Variants in CCNY observed in about 807,000 individuals in gnomAD.
CCNY encodes cyclin-Y.
CCNY carries 19 observed loss-of-function variants against 42.8 expected under a neutral mutation model. That is an observed-to-expected ratio of 0.44 (90% CI 0.31 to 0.65). The LOEUF is 0.65. Ranked by LOEUF, CCNY falls within the 30% of genes least tolerant of loss-of-function variation. CCNY has a pLI of 0.07. For synonymous variants in CCNY, 165 were observed against 162.7 expected, an observed-to-expected ratio of 1.01 and a Z score of -0.11; for missense variants, 370 against 437.3, an observed-to-expected ratio of 0.85 and a Z score of 1.37.
chr10:35,476,067 T>C (rs955839633), intron 1 of CCNY, among the ~76,000 whole-genome samples: 1 of 152,212 alleles, frequency 6.6e-6, no homozygotes, highest in Non-Finnish European at 1.5e-5. Context: ...AAGGGATCAA[T>C]TCAACAAGAA....
At chr10:35,295,437 G>C (rs545627299) in intron 3 of CCNY, among the ~76,000 whole-genome samples, 1 of 151,956 alleles carries the variant, frequency 6.6e-6, no homozygotes, top group East Asian at 2.0e-4. Context: ...TCTCCATGTT[G>C]GTCAGGCTGG....
intron 1 of CCNY, among the ~76,000 whole-genome samples, chr10:35,349,594 C>A (rs1485249656): frequency 6.6e-6 from 1 of 152,122 alleles, no homozygotes; most frequent in African/African-American, 2.4e-5. Context: ...TGTGTATTTG[C>A]TAAATCTCAA....
At chr10:35,371,922 ATT>A (rs1836945879) in intron 1 of CCNY, among the ~76,000 whole-genome samples, 1 of 152,244 alleles carries the variant, frequency 6.6e-6, no homozygotes, top group Admixed American at 6.5e-5. Context: ...TGCATGAGTG[ATT>A]GATGGCAGTT....
chr10:35,474,876 A>G (rs1489890988), intron 1 of CCNY, among the ~76,000 whole-genome samples: 1 of 152,228 alleles, frequency 6.6e-6, no homozygotes, highest in African/African-American at 2.4e-5. Context: ...TCAAACCAAA[A>G]GCAAAGAAGT....
intron 2 of CCNY, among the ~76,000 whole-genome samples, chr10:35,249,134 G>T (rs1405457473): frequency 6.6e-6 from 1 of 152,050 alleles, no homozygotes; most frequent in Non-Finnish European, 1.5e-5. Context: ...AGGGAGGCAG[G>T]TATTAACATG....
At chr10:35,479,849 A>G (rs1228511175) in intron 1 of CCNY, among the ~76,000 whole-genome samples, 1 of 151,976 alleles carries the variant, frequency 6.6e-6, no homozygotes, top group Non-Finnish European at 1.5e-5. Context: ...AACATTGGGG[A>G]TATCATTTTT....
intron 1 of CCNY, among the ~76,000 whole-genome samples, chr10:35,477,081 AACC>A (rs1341019307): frequency 1.3e-5 from 2 of 152,194 alleles, no homozygotes; most frequent in Non-Finnish European, 2.9e-5. Context: ...CCCAAGACTA[AACC>A]AGGAAGAAGT....
At chr10:35,504,726 A>T (rs1052850631) in intron 3 of CCNY, among the ~76,000 whole-genome samples, 1 of 151,984 alleles carries the variant, frequency 6.6e-6, no homozygotes, top group Admixed American at 6.6e-5. Flanking sequence ...AACCTCCCCA[A>T]CCCGGGTTCA....
chr10:35,528,115 G>A (rs1840689586), intron 5 of CCNY, among the ~76,000 whole-genome samples: 1 of 152,162 alleles, frequency 6.6e-6, no homozygotes, highest in African/African-American at 2.4e-5. Flanking sequence ...CTCAACTGCT[G>A]AGGAATGGGG....
At chr10:35,512,840 A>G (rs1840350512) in intron 3 of CCNY, among the ~76,000 whole-genome samples, 1 of 152,042 alleles carries the variant, frequency 6.6e-6, no homozygotes, top group African/African-American at 2.4e-5. Flanking sequence ...GGGTGGGAGC[A>G]GTTGAAATAG....
intron 3 of CCNY, among the ~76,000 whole-genome samples, chr10:35,275,023 G>T (rs976826499): frequency 7.5e-6 from 1 of 133,248 alleles, no homozygotes; most frequent in Non-Finnish European, 1.6e-5. Flanking sequence ...GTGGCATTGC[G>T]TTCTAGGTAT....
At chr10:35,401,125 C>T (rs1837634790) in intron 1 of CCNY, among the ~76,000 whole-genome samples, 1 of 152,202 alleles carries the variant, frequency 6.6e-6, no homozygotes, top group African/African-American at 2.4e-5. Context: ...ATCAGCAGTT[C>T]CTATTTTTTG....
At chr10:35,557,544 G>A (rs1841384211) in intron 8 of CCNY, among the ~76,000 whole-genome samples, 1 of 152,114 alleles carries the variant, frequency 6.6e-6, no homozygotes, top group Non-Finnish European at 1.5e-5. Flanking sequence ...ATCACTTGAG[G>A]TCAGGAGTTC....
At chr10:35,436,783 C>A (rs921079553) in intron 1 of CCNY, among the ~76,000 whole-genome samples, 5 of 152,080 alleles carry the variant, frequency 3.3e-5, no homozygotes, top group African/African-American at 1.2e-4. Context: ...TTTCCTGTTT[C>A]TTTTTTTCCT....
intron 1 of CCNY, among the ~76,000 whole-genome samples, chr10:35,340,545 C>T (rs1157932827): frequency 6.7e-6 from 1 of 148,784 alleles, no homozygotes; most frequent in East Asian, 2.0e-4. Context: ...TGCTCTGTCA[C>T]CCAGGCTGGA....
intron 1 of CCNY, among the ~76,000 whole-genome samples, chr10:35,472,158 TG>T (rs1219298352): frequency 6.6e-6 from 1 of 152,198 alleles, no homozygotes; most frequent in Admixed American, 6.5e-5. Flanking sequence ...TCCTGCCCAT[TG>T]CGCTAGTACC....
intron 1 of CCNY, among the ~76,000 whole-genome samples, chr10:35,436,251 G>C (rs1838530144): frequency 6.6e-6 from 1 of 152,224 alleles, no homozygotes; most frequent in Non-Finnish European, 1.5e-5. Context: ...GGTGTGTGCG[G>C]TGGTGGGATG....
In CCNY at chr10:35,398,397, C is replaced by T. The variant is rs150663795; in HGVS notation, c.154+61190C>T. Among the ~76,000 whole-genome samples the T allele has an allele frequency of 7.2e-5, 11 of 152,272 alleles. No homozygotes were observed. In the East Asian group the frequency reaches 9.7e-4, roughly 13 times the overall value. ...GACCAACACGTGTCCTTTTGCATGG[C>T]GGAGATTCGGAAATGCAGCCTGTGC... is the stretch of plus-strand genomic sequence containing the variant. On this transcript the variant is annotated intron_variant, in intron 1 of 9. Transcript: ENST00000374704.
chr10:35,337,889 A>G (rs575453581), intron 1 of CCNY, among the ~76,000 whole-genome samples: 1 of 152,182 alleles, frequency 6.6e-6, no homozygotes, highest in Non-Finnish European at 1.5e-5. Context: ...TGATTTATTC[A>G]GGTGACTTTT....
Sources: allele counts gnomAD v4.1 joint callset (sites outside exome capture counted in the v4.1 genomes callset), GRCh38; gene constraint gnomAD v4.1.1; transcripts MANE v1.5; gene names NCBI Gene and HGNC (gene_info 2026-07-23, HGNC 2026-07-21).